ZSCAN9: variants seen among roughly 807,000 people sequenced by gnomAD.
The protein encoded by ZSCAN9 is zinc finger and SCAN domain containing 9.
ZSCAN9 carries 19 observed loss-of-function variants against 23.0 expected under a neutral mutation model. That is an observed-to-expected ratio of 0.83 (90% CI 0.58 to 1.21). The LOEUF (loss-of-function observed/expected upper bound fraction) is 1.21, where lower values mean the gene tolerates loss of function less well. Ranked by LOEUF, ZSCAN9 falls within the 50% of genes most tolerant of loss-of-function variation. The pLI is 0.00. For missense variants in ZSCAN9, 467 were observed against 471.5 expected (o/e 0.99, Z 0.09); for synonymous variants, 155 against 164.8 (o/e 0.94, Z 0.46).
At position 28,227,837 on chromosome 6, in the gene ZSCAN9, G is replaced by A; in HGVS notation, c.568G>A (p.Asp190Asn). 6.2e-7 allele frequency: 1 copy of A among 1,613,486 alleles called. No homozygotes were observed. The highest frequency in any genetic ancestry group is 8.5e-7 in the Non-Finnish European group (1 of 1,179,830). ...AQKCHSIGET[D>N]EVTKTEDREL... The stretch of plus-strand genomic sequence containing the variant: ...GAAGTGCCATTCTATTGGAGAGACA[G>A]GTGAGGGACAGCATTTATTTGATGT... The change falls in exon 3 of 4, where the codon GAT (aspartate) becomes AAT (asparagine). Residue 190 changes from aspartate to asparagine, a missense_variant and splice_region_variant. Transcript: ENST00000252207.
chr6:28,230,245 A>G, intron 3 of ZSCAN9: 9 of 1,183,076 alleles, frequency 7.6e-6, no homozygotes, highest in Non-Finnish European at 6.8e-6. Flanking sequence ...AAAGTGCTTC[A>G]TAAGTCATGA....
intron 1 of ZSCAN9, among the ~76,000 whole-genome samples, chr6:28,225,892 A>G (rs1760101878): frequency 6.6e-6 from 1 of 152,230 alleles, no homozygotes; most frequent in African/African-American, 2.4e-5. Flanking sequence ...CCACCTCCCA[A>G]TTCAGATTCC....
At chr6:28,230,189 A>G in intron 3 of ZSCAN9, 2 of 708,414 alleles carry the variant, frequency 2.8e-6, no homozygotes, top group South Asian at 4.5e-5. Context: ...AAGAGATGGG[A>G]TAATAACATC....
chr6:28,228,610 TC>T (rs761160426), intron 3 of ZSCAN9: 1 of 154,604 alleles, frequency 6.5e-6, no homozygotes, highest in Non-Finnish European at 1.5e-5. Flanking sequence ...TACAATTTAG[TC>T]CGTAACCAGT....
rs757318916 is a variant in ZSCAN9 at position 28,228,007 on chromosome 6, G to A, written c.568+170G>A. On this transcript the variant is annotated intron_variant, in intron 3 of 3. Coordinates refer to ENST00000252207, the MANE Select transcript of ZSCAN9 (RefSeq NM_006299.5). ...GCTCATCTTTGACCCTTCTCCCTGC[G>A]TGCAGACTTCTCCCTGAGTACCACC... 10 of 820,442 alleles carry A rather than the reference G, an allele frequency of 1.2e-5. 1 individual carries two copies. The highest frequency in any genetic ancestry group is 6.7e-5 in the African/African-American group (4 of 59,462). The allele number at this position is 820,442 out of a possible 1,614,324, so 50.8% of individuals were successfully genotyped here. A position where few individuals can be genotyped will look rare whatever the true frequency, so the allele number is the denominator to read the frequency against.
chr6:28,228,624 G>A (rs1365378262), intron 3 of ZSCAN9: 1 of 154,534 alleles, frequency 6.5e-6, no homozygotes, highest in Non-Finnish European at 1.5e-5. Context: ...TAACCAGTAT[G>A]TACCTCAGAA....
intron 3 of ZSCAN9, among the ~76,000 whole-genome samples, chr6:28,230,727 A>C (rs1004475826): frequency 2.6e-5 from 4 of 152,218 alleles, no homozygotes; most frequent in Non-Finnish European, 5.9e-5. Flanking sequence ...GAAATGATAC[A>C]GTGTGTTAAA....
chr6:28,233,481 C>T lies in ZSCAN9; in HGVS notation c.*303C>T. On this transcript the variant is annotated 3_prime_UTR_variant, in exon 4 of 4. Transcript: ENST00000252207. ...AAATGGCACTGCCACAGCCAACATG[C>T]CTGAAAGATTTGGTATCTGTGTTTA... 3.6e-6 allele frequency: 1 copy of T among 274,582 alleles called. No individual in the cohort carries two copies. Among genetic ancestry groups the T allele is most frequent in the Non-Finnish European group, 6.7e-6 (1 of 148,596 alleles). 17.0% of individuals were successfully genotyped at this position (274,582 alleles called of 1,614,324 possible). A position where few individuals can be genotyped will look rare whatever the true frequency, so the allele number is the denominator to read the frequency against.
At chr6:28,227,617 C>G (rs1760158851) in intron 2 of ZSCAN9, 73 bp from the exon 3 acceptor site, 1 of 1,576,662 alleles carries the variant, frequency 6.3e-7, no homozygotes, top group African/African-American at 1.4e-5. Context: ...CTTCCTGTTT[C>G]CTTCTTTCTT....
rs1303543902 is a variant in ZSCAN9, at chr6:28,227,012, G to T, written c.-73G>T. Reference sequence around the variant, plus strand: ...TAAATAATTTATTTTTACTGCTTAGGCAAGCGCCTCCAAGGTTTGTCTTGA... The same window carrying T: ...TAAATAATTTATTTTTACTGCTTAGTCAAGCGCCTCCAAGGTTTGTCTTGA... On this transcript the variant is annotated splice_region_variant and 5_prime_UTR_variant, in exon 2 of 4. Transcript: ENST00000252207. The T allele has an allele frequency of 7.2e-7, 1 of 1,380,046 alleles. No individual in the cohort carries two copies. The highest frequency in any genetic ancestry group is 9.9e-7 in the Non-Finnish European group (1 of 1,008,940). 85.5% of individuals were successfully genotyped at this position (1,380,046 alleles called of 1,614,324 possible). A position where few individuals can be genotyped will look rare whatever the true frequency, so the allele number is the denominator to read the frequency against.
intron 3 of ZSCAN9, chr6:28,230,551 G>T: frequency 3.4e-6 from 5 of 1,481,070 alleles, no homozygotes; most frequent in South Asian, 1.3e-5. Flanking sequence ...CAAATATTTT[G>T]GTCAAAAGAG....
intron 1 of ZSCAN9, 105 bp from the exon 2 acceptor site, chr6:28,226,907 T>C: frequency 1.9e-6 from 1 of 538,724 alleles, no homozygotes; most frequent in Non-Finnish European, 3.2e-6. Flanking sequence ...ACCAAATCAC[T>C]TTTCAGAGAA....
Position 28,233,207 on chromosome 6 carries a change from C to T in ZSCAN9, c.*29C>T. 6.3e-7 allele frequency: 1 copy of T among 1,596,532 alleles called. No individual in the cohort carries two copies. Among genetic ancestry groups the T allele is most frequent in the African/African-American group, 1.3e-5 (1 of 74,548 alleles). On this transcript the variant is annotated 3_prime_UTR_variant, in exon 4 of 4. Coordinates refer to ENST00000252207, the MANE Select transcript of ZSCAN9 (RefSeq NM_006299.5). Reference sequence around the variant, plus strand: ...TTGGCTATGAGCAAGTTTTCCAGATCACCACCCAAGTTGTGTGGGGCAGGT... The same window carrying T: ...TTGGCTATGAGCAAGTTTTCCAGATTACCACCCAAGTTGTGTGGGGCAGGT...
In ZSCAN9 at chr6:28,227,761, G is replaced by A. The variant is rs1760164901; in HGVS notation, c.492G>A (p.Leu164=). Residue 164 remains leucine (L), a synonymous_variant, in exon 3 of 4, where the codon CTG becomes CTA. Transcript: ENST00000252207. ...TGCCTCTAGCAGAGCAGACACCACT[G>A]ACCCTTCAGTCCCAGCCTAAGGAGC... ...EMVPLAEQTP[L]TLQSQPKEPQ... 4 of 1,613,396 alleles carry A rather than the reference G, an allele frequency of 2.5e-6. No homozygotes were observed. Among genetic ancestry groups the A allele is most frequent in the Admixed American group, 1.7e-5 (1 of 59,750 alleles).
chr6:28,230,365 G>C, intron 3 of ZSCAN9: 1 of 1,536,044 alleles, frequency 6.5e-7, no homozygotes, highest in Non-Finnish European at 8.7e-7. Context: ...GAGAAGGGCA[G>C]TACTGATCCC....
chr6:28,227,336 T>C lies in ZSCAN9; in HGVS notation c.252T>C (p.His84=), dbSNP rs993912867. 7 of 1,614,112 alleles carry C rather than the reference T, an allele frequency of 4.3e-6. No homozygotes were observed. The highest frequency in any genetic ancestry group is 4.2e-6 in the Non-Finnish European group (5 of 1,180,046). ...TTTGCTACCAGTGGTTGAGGCCACA[T>C]GTGAGCACAAAGGAGCAGATTTTGG... is the stretch of plus-strand genomic sequence containing the variant. The part of the protein sequence containing the change: ...QELCYQWLRP[H]VSTKEQILDL... Residue 84 remains histidine, a synonymous_variant, in exon 2 of 4, where the codon CAT becomes CAC. Coordinates refer to ENST00000252207, the MANE Select transcript of ZSCAN9 (RefSeq NM_006299.5).
chr6:28,230,421 A>G (rs770397050), intron 3 of ZSCAN9: 2 of 1,535,880 alleles, frequency 1.3e-6, no homozygotes, highest in African/African-American at 1.4e-5. Flanking sequence ...TATTTTCCAA[A>G]CCTGTTGTGA....
At chr6:28,228,345 T>TA in intron 3 of ZSCAN9, 1 of 372,112 alleles carries the variant, frequency 2.7e-6, no homozygotes, top group East Asian at 6.3e-5. Flanking sequence ...AAGATCAAGA[T>TA]ACCATCAGGT....
At chr6:28,232,431 A>T (rs1227280161) in intron 3 of ZSCAN9, 131 bp from the exon 4 acceptor site, 2 of 1,424,844 alleles carry the variant, frequency 1.4e-6, no homozygotes, top group Non-Finnish European at 1.9e-6. Flanking sequence ...TACGTAGGGG[A>T]AAGTGTTACC....
Sources: allele counts gnomAD v4.1 joint callset (sites outside exome capture counted in the v4.1 genomes callset), GRCh38; gene constraint gnomAD v4.1.1; transcripts MANE v1.5; gene names NCBI Gene and HGNC (gene_info 2026-07-23, HGNC 2026-07-21).